Variants in MBOAT2 observed in about 807,000 individuals in gnomAD.
MBOAT2 encodes membrane bound glycerophospholipid O-acyltransferase 2.
Under a neutral mutation model 63.4 loss-of-function variants are expected in MBOAT2, and 28 were observed. That is an observed-to-expected ratio of 0.44 (90% CI 0.33 to 0.61). The LOEUF is 0.61. Among genes scored for constraint, MBOAT2 ranks in the 20% least tolerant of loss-of-function variants. The probability of loss-of-function intolerance (pLI) is 0.03; values close to 1 mark genes in which losing one functional copy is unlikely to be tolerated. For synonymous variants in MBOAT2, 211 were observed against 215.6 expected (o/e 0.98, Z 0.19); for missense variants, 470 against 605.8 (o/e 0.78, Z 2.35).
rs777164898 is a variant in MBOAT2 at position 8,908,616 on chromosome 2, C to T, written c.395+5G>A. On this transcript the variant is annotated splice_donor_5th_base_variant and intron_variant, in intron 4 of 12. Coordinates refer to ENST00000305997, the MANE Select transcript of MBOAT2 (RefSeq NM_138799.4). ...CAGGCTACTGAATCAAAGTTTTCATCTTACCCTGAAAAATCAGCAGAATAT... is the reference window on the plus strand; with the variant it reads ...CAGGCTACTGAATCAAAGTTTTCATTTTACCCTGAAAAATCAGCAGAATAT... The T allele has an allele frequency of 1.3e-6, 2 of 1,562,800 alleles. No homozygotes were observed. The highest frequency in any genetic ancestry group is 1.8e-6 in the Non-Finnish European group (2 of 1,139,534).
At chr2:8,994,457 A>C (rs1441485189) in intron 1 of MBOAT2, among the ~76,000 whole-genome samples, 1 of 152,234 alleles carries the variant, frequency 6.6e-6, no homozygotes, top group Non-Finnish European at 1.5e-5. Flanking sequence ...TTCCTAAGAA[A>C]GAACTGGATG....
At position 8,876,558 on chromosome 2, in the gene MBOAT2, C is replaced by T. The variant is rs561960831; in HGVS notation, c.690+472G>A. 1.4e-4 allele frequency among the ~76,000 whole-genome samples: 21 copies of T among 152,022 alleles called. No individual in the cohort carries two copies. In the East Asian group the frequency reaches 3.5e-3, roughly 25 times the overall value. On this transcript the variant is annotated intron_variant, in intron 7 of 12. Transcript: ENST00000305997. ...GGAAAAAGGTGGTATTTGAAGTAGG[C>T]TTTTAAAGAGAAGAAAGATTTCAAC...
chr2:8,952,748 T>C (rs1668932312), intron 2 of MBOAT2, among the ~76,000 whole-genome samples: 1 of 152,080 alleles, frequency 6.6e-6, no homozygotes, highest in Non-Finnish European at 1.5e-5. Context: ...CTTTTTTTTT[T>C]TTTTTTACTG....
intron 1 of MBOAT2, among the ~76,000 whole-genome samples, chr2:8,962,498 C>T (rs1175900532): frequency 1.3e-5 from 2 of 152,154 alleles, no homozygotes; most frequent in African/African-American, 4.8e-5. Context: ...GAACACTTAA[C>T]TGCCAGAACA....
intron 1 of MBOAT2, among the ~76,000 whole-genome samples, chr2:8,986,977 A>C (rs1426021242): frequency 6.6e-6 from 1 of 152,238 alleles, no homozygotes; most frequent in Non-Finnish European, 1.5e-5. Context: ...TAATCCACAC[A>C]GTCTATGGTT....
intron 8 of MBOAT2, among the ~76,000 whole-genome samples, chr2:8,870,524 A>C (rs1019322735): frequency 6.6e-6 from 1 of 152,214 alleles, no homozygotes; most frequent in African/African-American, 2.4e-5. Context: ...GGACCTCCAG[A>C]GATCATTAAA....
chr2:8,871,857 T>C (rs1373031564), intron 8 of MBOAT2, among the ~76,000 whole-genome samples: 1 of 152,218 alleles, frequency 6.6e-6, no homozygotes. Flanking sequence ...CATTCAAATA[T>C]TTGTTGAGTA....
At chr2:8,889,636 T>C (rs952936662) in intron 4 of MBOAT2, among the ~76,000 whole-genome samples, 2 of 152,222 alleles carry the variant, frequency 1.3e-5, no homozygotes, top group South Asian at 2.1e-4. Flanking sequence ...AGAATCATTT[T>C]TCTCACACTG....
intron 3 of MBOAT2, among the ~76,000 whole-genome samples, chr2:8,936,617 A>G (rs1460132688): frequency 6.6e-6 from 1 of 152,048 alleles, no homozygotes; most frequent in African/African-American, 2.4e-5. Flanking sequence ...CCCCGTCTCT[A>G]CTAAAAACAC....
At chr2:8,899,153 A>G (rs1664719901) in intron 4 of MBOAT2, among the ~76,000 whole-genome samples, 1 of 152,138 alleles carries the variant, frequency 6.6e-6, no homozygotes, top group South Asian at 2.1e-4. Context: ...TGCCCTTCCA[A>G]TGCCCAGACT....
intron 1 of MBOAT2, among the ~76,000 whole-genome samples, chr2:8,984,669 G>C (rs1337041594): frequency 2.0e-5 from 3 of 152,110 alleles, no homozygotes; most frequent in Non-Finnish European, 4.4e-5. Flanking sequence ...AACTAGGGGG[G>C]AGGGAAGGGA....
chr2:8,975,154 A>C (rs1670729561), intron 1 of MBOAT2, among the ~76,000 whole-genome samples: 1 of 152,114 alleles, frequency 6.6e-6, no homozygotes, highest in South Asian at 2.1e-4. Context: ...CAAAAACTGA[A>C]TTATTTACTG....
At chr2:8,980,833 C>T (rs534112963) in intron 1 of MBOAT2, among the ~76,000 whole-genome samples, 2 of 152,150 alleles carry the variant, frequency 1.3e-5, no homozygotes, top group South Asian at 4.1e-4. Flanking sequence ...TCATATGATC[C>T]AGCAATTCCA....
intron 4 of MBOAT2, 148 bp downstream of exon 4, chr2:8,908,473 G>C: frequency 1.7e-6 from 1 of 578,318 alleles, no homozygotes; most frequent in South Asian, 2.5e-5. Context: ...ACTTACAAGA[G>C]AGAAATTCTA....
intron 2 of MBOAT2, among the ~76,000 whole-genome samples, chr2:8,957,093 A>C (rs542458208): frequency 6.6e-6 from 1 of 152,306 alleles, no homozygotes; most frequent in East Asian, 1.9e-4. Context: ...GATATACTTT[A>C]AAATACTCTA....
intron 3 of MBOAT2, among the ~76,000 whole-genome samples, chr2:8,918,889 C>T (rs991754350): frequency 6.6e-6 from 1 of 152,190 alleles, no homozygotes; most frequent in African/African-American, 2.4e-5. Flanking sequence ...CCCAAGAGTT[C>T]CCTTGTGGTT....
intron 4 of MBOAT2, among the ~76,000 whole-genome samples, chr2:8,905,159 C>T (rs747596661): frequency 4.6e-5 from 7 of 152,306 alleles, no homozygotes; most frequent in East Asian, 1.9e-4. Context: ...GAGTGAGTCA[C>T]TATCCAATCC....
rs1663221030 is a variant in MBOAT2 at position 8,882,583 on chromosome 2, G to T, written c.452-18C>A. On this transcript the variant is annotated intron_variant, in intron 5 of 12. Coordinates refer to ENST00000305997, the MANE Select transcript of MBOAT2 (RefSeq NM_138799.4). ...AAACATCCCTGAGAAACAAAAATAGGTACTCATCAATTAAGATTTCTCCCC... is the reference window on the plus strand; with the variant it reads ...AAACATCCCTGAGAAACAAAAATAGTTACTCATCAATTAAGATTTCTCCCC... 1 of 1,612,978 alleles carries T rather than the reference G, an allele frequency of 6.2e-7. No individual in the cohort carries two copies. The highest frequency in any genetic ancestry group is 8.5e-7 in the Non-Finnish European group (1 of 1,178,994).
intron 1 of MBOAT2, among the ~76,000 whole-genome samples, chr2:8,998,038 T>C (rs1672428316): frequency 6.6e-6 from 1 of 152,218 alleles, no homozygotes; most frequent in African/African-American, 2.4e-5. Context: ...ATTTATTTTC[T>C]CTCCAATTTG....
Sources: allele counts gnomAD v4.1 joint callset (sites outside exome capture counted in the v4.1 genomes callset), GRCh38; gene constraint gnomAD v4.1.1; transcripts MANE v1.5; gene names NCBI Gene and HGNC (gene_info 2026-07-23, HGNC 2026-07-21).